Variants in DRC1 observed in about 807,000 individuals in gnomAD.
DRC1 encodes dynein regulatory complex subunit 1.
In DRC1, 74 loss-of-function variants were observed where a neutral mutation model predicts 98.7. The ratio of observed to expected loss-of-function variants is 0.75; its 90% confidence interval spans 0.62 to 0.91. DRC1 has a LOEUF of 0.91. DRC1 is among the 40% of genes least tolerant of loss of function. The probability of loss-of-function intolerance (pLI) is 0.00; values close to 1 mark genes in which losing one functional copy is unlikely to be tolerated. For synonymous variants in DRC1, 336 were observed against 334.1 expected (o/e 1.01, Z -0.06); for missense variants, 875 against 886.0 (o/e 0.99, Z 0.16).
At chr2:26,431,411 A>G (rs781584701) in intron 6 of DRC1, among the ~76,000 whole-genome samples, 1 of 152,056 alleles carries the variant, frequency 6.6e-6, no homozygotes, top group Non-Finnish European at 1.5e-5. Context: ...TGGGCCCGTC[A>G]CTTTCCCCTC....
At chr2:26,424,237 T>C in intron 3 of DRC1, 34 bp from the exon 4 acceptor site, 1 of 1,611,850 alleles carries the variant, frequency 6.2e-7, no homozygotes, top group Non-Finnish European at 8.5e-7. Context: ...CATCTGGAGC[T>C]GGGTTGGCAT....
At chr2:26,416,875 G>A (rs1409531658) in intron 2 of DRC1, among the ~76,000 whole-genome samples, 1 of 152,174 alleles carries the variant, frequency 6.6e-6, no homozygotes, top group Non-Finnish European at 1.5e-5. Flanking sequence ...TCTGCAGGCT[G>A]TACAAGAAGC....
chr2:26,447,564 G>A (rs897188349), intron 10 of DRC1, among the ~76,000 whole-genome samples: 6 of 151,744 alleles, frequency 4.0e-5, no homozygotes, highest in Non-Finnish European at 7.4e-5. Context: ...TTTTTTGTTC[G>A]TTTGTTTTAT....
chr2:26,444,579 G>T, intron 9 of DRC1, 137 bp from the exon 10 acceptor site: 1 of 1,037,446 alleles, frequency 9.6e-7, no homozygotes, highest in Non-Finnish European at 1.4e-6. Context: ...TCGTAAGTGG[G>T]AATCAGCCGC....
intron 1 of DRC1, among the ~76,000 whole-genome samples, chr2:26,405,992 T>A (rs1282944372): frequency 1.3e-5 from 2 of 152,118 alleles, no homozygotes; most frequent in African/African-American, 4.8e-5. Context: ...GGCCGCGCAT[T>A]GTGCGTAAGT....
At chr2:26,430,944 T>G in intron 6 of DRC1, 72 bp downstream of exon 6, 60 of 1,014,928 alleles carry the variant, frequency 5.9e-5, no homozygotes, top group Non-Finnish European at 7.8e-5. Flanking sequence ...ATTTGCTAGC[T>G]AGCCTTTTTC....
At chr2:26,430,903 G>T (rs369325024) in intron 6 of DRC1, 31 bp downstream of exon 6, 13 of 1,592,948 alleles carry the variant, frequency 8.2e-6, no homozygotes, top group East Asian at 2.2e-5. Context: ...AGAGTGATCC[G>T]TGGGGTCTGG....
chr2:26,454,891 G>T lies in DRC1; in HGVS notation c.2063+101G>T. On this transcript the variant is annotated intron_variant, in intron 15 of 16. Transcript: ENST00000288710. This position sits in a 1 kb window ranked among gnomAD's most constrained non-coding sequence, Gnocchi z 5.2. ...CTGCCTCCCTGTCCCACTGAACCTG[G>T]GAGGGAAGAGCTGCCCTTGGCATCT... The T allele has an allele frequency of 6.4e-6, 10 of 1,569,770 alleles. No homozygotes were observed. Among genetic ancestry groups the T allele is most frequent in the Non-Finnish European group, 7.8e-6 (9 of 1,152,918 alleles).
chr2:26,440,576 A>C, intron 8 of DRC1, 59 bp downstream of exon 8: 1 of 1,512,272 alleles, frequency 6.6e-7, no homozygotes, highest in South Asian at 1.4e-5. Context: ...ATAGGGATGG[A>C]TATGTACTTT....
chr2:26,421,397 A>G lies in DRC1; in HGVS notation c.353A>G (p.Gln118Arg). The change falls in exon 3 of 17, where the codon CAA (glutamine) becomes CGA (arginine). Residue 118 changes from glutamine to arginine, a missense_variant. Physicochemically the swap from Gln to Arg is conservative, Grantham distance 43. Coordinates refer to ENST00000288710, the MANE Select transcript of DRC1 (RefSeq NM_145038.5). ...RRVEEEEIKR[Q>R]RIEKLENEVK... is the part of the protein sequence containing the mutation. ...GTCGAAGAAGAGGAGATAAAGCGTC[A>G]AAGGTAAGGACTGTGCTACTCTGCA... 6.2e-7 allele frequency: 1 copy of G among 1,612,526 alleles called. No homozygotes were observed. The highest frequency in any genetic ancestry group is 8.5e-7 in the Non-Finnish European group (1 of 1,178,928).
At chr2:26,406,756 A>G (rs544570540) in intron 1 of DRC1, among the ~76,000 whole-genome samples, 1 of 148,104 alleles carries the variant, frequency 6.8e-6, no homozygotes, top group Admixed American at 6.8e-5. Context: ...TGGCCCTGAT[A>G]CTCCCAATCT....
rs1322467462 is a variant in DRC1 at position 26,429,717 on chromosome 2, G to A, written c.630G>A (p.Gln210=). The A allele has an allele frequency of 5.0e-6, 8 of 1,614,002 alleles. No individual in the cohort carries two copies. In the South Asian group the frequency reaches 8.8e-5, roughly 18 times the overall value. ...ICLLLERMEE[Q]VKNVMKTFRE... ...TGCTTCTGGAGCGGATGGAAGAACA[G>A]GTGAAGAATGTGATGAAAACCTTTC... The change falls in exon 5 of 17, where the codon CAG becomes CAA. Residue 210 remains glutamine (Q), a synonymous_variant. Transcript: ENST00000288710.
At chr2:26,440,337 G>GTT in intron 7 of DRC1, 41 bp from the exon 8 acceptor site, 1 of 1,531,394 alleles carries the variant, frequency 6.5e-7, no homozygotes, top group South Asian at 1.3e-5. Flanking sequence ...GTGTGTGTGT[G>GTT]TGTGTGTGTA....
chr2:26,421,415 ACT>A lies in DRC1; in HGVS notation c.356+18_356+19del. On this transcript the variant is annotated intron_variant, in intron 3 of 16. Coordinates refer to ENST00000288710, the MANE Select transcript of DRC1 (RefSeq NM_145038.5). Reference sequence around the variant, plus strand: ...AAGCGTCAAAGGTAAGGACTGTGCTACTCTGCAGCTGGTGGACATGAAGGTAA... The same window carrying A: ...AAGCGTCAAAGGTAAGGACTGTGCTACTGCAGCTGGTGGACATGAAGGTAA... The A allele has an allele frequency of 6.2e-7, 1 of 1,604,934 alleles. No homozygotes were observed. Among genetic ancestry groups the A allele is most frequent in the South Asian group, 1.1e-5 (1 of 90,444 alleles).
intron 7 of DRC1, among the ~76,000 whole-genome samples, chr2:26,437,721 T>TAC (rs750415119): frequency 3.4e-4 from 52 of 151,370 alleles, no homozygotes; most frequent in Admixed American, 1.1e-3. Context: ...TATATATATA[T>TAC]ACACACACAC....
chr2:26,404,090 A>G (rs1458718080), intron 1 of DRC1, among the ~76,000 whole-genome samples: 2 of 151,508 alleles, frequency 1.3e-5, no homozygotes, highest in Non-Finnish European at 2.9e-5. Flanking sequence ...ACAGAGCGAG[A>G]CTCTGTCTCA....
intron 2 of DRC1, among the ~76,000 whole-genome samples, chr2:26,416,389 C>T (rs898516358): frequency 6.6e-6 from 1 of 152,112 alleles, no homozygotes; most frequent in Non-Finnish European, 1.5e-5. Context: ...ATCTGCCTGC[C>T]TCAGCCTCCC....
chr2:26,437,582 A>G (rs1663605332), intron 7 of DRC1, among the ~76,000 whole-genome samples: 1 of 152,204 alleles, frequency 6.6e-6, no homozygotes, highest in Non-Finnish European at 1.5e-5. Context: ...CAATTTATTG[A>G]GAACTTTTGA....
intron 10 of DRC1, among the ~76,000 whole-genome samples, chr2:26,446,313 G>A (rs1558452675): frequency 2.6e-5 from 4 of 152,000 alleles, no homozygotes. Context: ...GCCCAGGCTG[G>A]TCTCAAATCC....
Sources: allele counts gnomAD v4.1 joint callset (sites outside exome capture counted in the v4.1 genomes callset), GRCh38; gene constraint gnomAD v4.1.1; non-coding constraint Gnocchi (gnomAD v3.1); transcripts MANE v1.5; gene names NCBI Gene and HGNC (gene_info 2026-07-23, HGNC 2026-07-21).